The following HCRTR1 variants were observed in gnomAD, a reference collection of about 807,000 sequenced individuals.
The protein encoded by HCRTR1 is orexin/Hypocretin receptor type 1.
A neutral mutation model predicts 40.6 loss-of-function variants in HCRTR1; 28 were observed. The observed-to-expected ratio is 0.69, with a 90% CI of 0.51 to 0.95. The LOEUF (loss-of-function observed/expected upper bound fraction) is 0.95, where lower values mean the gene tolerates loss of function less well. Ranked by LOEUF, HCRTR1 falls within the 40% of genes least tolerant of loss-of-function variation. The pLI, the probability that HCRTR1 is intolerant of heterozygous loss-of-function variation, is 0.00. For missense variants in HCRTR1, 482 were observed against 564.7 expected, an observed-to-expected ratio of 0.85 and a Z score of 1.48; for synonymous variants, 209 against 230.0, an observed-to-expected ratio of 0.91 and a Z score of 0.83.
chr1:31,633,135 C>T (rs1365051960), downstream of HCRTR1: 1 of 1,603,814 alleles, frequency 6.2e-7, no homozygotes, highest in African/African-American at 1.3e-5. Flanking sequence ...CCAGCTCAGG[C>T]CCAAGGGCAA....
At position 31,625,019 on chromosome 1, in the gene HCRTR1, G is replaced by A; in HGVS notation, c.988G>A (p.Ala330Thr). 2 of 1,608,690 alleles carry A rather than the reference G, an allele frequency of 1.2e-6. No homozygotes were observed. The highest frequency in any genetic ancestry group is 1.1e-5 in the South Asian group (1 of 90,464). Residue 330 changes from alanine to threonine, a missense_variant, in exon 8 of 9, where the codon GCC (alanine) becomes ACC (threonine). Coordinates refer to ENST00000403528, the MANE Select transcript of HCRTR1 (RefSeq NM_001525.3). The surrounding 1 kb of genome is among the most constrained non-coding windows in gnomAD (Gnocchi z 4.2). ...LKRVFGMFRQ[A>T]SDREAVYACF... ...TAGGGTGTTCGGGATGTTCCGCCAA[G>A]CCAGTGACCGCGAAGCTGTCTACGC...
At chr1:31,632,730 A>G, downstream of HCRTR1, 2 of 1,425,848 alleles carry the variant, frequency 1.4e-6, no homozygotes, top group Non-Finnish European at 1.9e-6. Context: ...CCTTCTCTCC[A>G]GGCTGGAGTA....
downstream of HCRTR1, chr1:31,632,548 TGGAAGAG>T: frequency 6.2e-7 from 1 of 1,614,220 alleles, no homozygotes; most frequent in Non-Finnish European, 8.5e-7. Context: ...GTCATACTGC[TGGAAGAG>T]GTTCTTCCAC....
intron 5 of HCRTR1, 122 bp from the exon 6 acceptor site, chr1:31,621,355 G>C (rs1204822788): frequency 9.3e-6 from 8 of 857,096 alleles, no homozygotes; most frequent in Non-Finnish European, 1.5e-5. Flanking sequence ...CATGGTGGCT[G>C]TATGGGGTCC....
At chr1:31,622,943 C>CT (rs1203689726) in intron 6 of HCRTR1, among the ~76,000 whole-genome samples, 1 of 152,216 alleles carries the variant, frequency 6.6e-6, no homozygotes, top group African/African-American at 2.4e-5. Flanking sequence ...TTCCCCACCT[C>CT]TTTGAGTCTT....
rs976552677 is a variant in HCRTR1 at position 31,619,074 on chromosome 1, A to G, written c.-119A>G. 1.5e-5 allele frequency: 11 copies of G among 746,272 alleles called. No individual in the cohort carries two copies. The Admixed American group carries it at 2.6e-4, about 18-fold the overall frequency. The allele number at this position is 746,272 out of a possible 1,614,324, so 46.2% of individuals were successfully genotyped here. ...AGGAAGTTTGAGGCTGAGACCCGAA[A>G]AGACCTGGGTGCAAGCCTCCAGGCA... is the stretch of plus-strand genomic sequence containing the variant. On this transcript the variant is annotated 5_prime_UTR_variant, in exon 3 of 9. Coordinates refer to ENST00000403528, the MANE Select transcript of HCRTR1 (RefSeq NM_001525.3).
chr1:31,623,729 CG>C lies in HCRTR1; in HGVS notation c.946del (p.Val316SerfsTer71). 2 of 1,613,940 alleles carry C rather than the reference CG, an allele frequency of 1.2e-6. No homozygotes were observed. The highest frequency in any genetic ancestry group is 1.7e-6 in the Non-Finnish European group (2 of 1,179,898). The stretch of plus-strand genomic sequence containing the variant: ...TCGCCCTCTGCTACCTGCCCATCAG[CG>C]TCCTCAATGTCCTTAAGAGGTGAGA... Reference protein sequence around the residue: ...VFALCYLPISVLNVLKRVFGM... With the variant: ...VFALCYLPISXLNVLKRVFGM... On this transcript the variant is annotated frameshift_variant, in exon 7 of 9. Coordinates refer to ENST00000403528, the MANE Select transcript of HCRTR1 (RefSeq NM_001525.3). LOFTEE classifies it high-confidence loss of function.
rs2148609012 is a variant in HCRTR1, at chr1:31,620,964, G to T, written c.500G>T (p.Gly167Val). 1.2e-6 allele frequency: 2 copies of T among 1,614,088 alleles called. No homozygotes were observed. Among genetic ancestry groups the T allele is most frequent in the Non-Finnish European group, 1.7e-6 (2 of 1,180,030 alleles). Residue 167 changes from glycine (G) to valine (V), a missense_variant, in exon 5 of 9, where the codon GGC (glycine) becomes GTC (valine). By Grantham distance (109) the Gly-to-Val change is moderately radical (BLOSUM62 -3). Coordinates refer to ENST00000403528, the MANE Select transcript of HCRTR1 (RefSeq NM_001525.3). The part of the protein sequence containing the change: ...TARRARGSIL[G>V]IWAVSLAIMV... ...CGGCGGGCCCGTGGCTCCATCCTGG[G>T]CATCTGGGCTGTGTCGCTGGCCATC...
Position 31,619,641 on chromosome 1 carries a change from C to A in HCRTR1, c.309C>A (p.Ser103Arg). ...VLVTAICLPASLLVDITESWL... is the reference protein window; with the variant it reads ...VLVTAICLPARLLVDITESWL... ...TGACTGCTATCTGCCTGCCGGCCAGCCTGCTGGTGGACATCACTGAGTCCT... is the reference window on the plus strand; with the variant it reads ...TGACTGCTATCTGCCTGCCGGCCAGACTGCTGGTGGACATCACTGAGTCCT... The change falls in exon 4 of 9, where the codon AGC (serine) becomes AGA (arginine). Residue 103 changes from serine to arginine, a missense_variant. By Grantham distance (110) the Ser-to-Arg change is moderately radical. Transcript: ENST00000403528. 4 of 1,613,966 alleles carry A rather than the reference C, an allele frequency of 2.5e-6. No individual in the cohort carries two copies. Among genetic ancestry groups the A allele is most frequent in the Non-Finnish European group, 3.4e-6 (4 of 1,179,928 alleles).
intron 6 of HCRTR1, among the ~76,000 whole-genome samples, chr1:31,622,091 T>C (rs1639868750): frequency 6.6e-6 from 1 of 152,168 alleles, no homozygotes; most frequent in African/African-American, 2.4e-5. Context: ...AGAAGCAACA[T>C]TACCCACGTC....
In HCRTR1 at chr1:31,619,391, G is replaced by A. The variant is rs137870169; in HGVS notation, c.199G>A (p.Val67Ile). 244 of 1,613,954 alleles carry A rather than the reference G, an allele frequency of 1.5e-4. No individual in the cohort carries two copies. Among genetic ancestry groups the A allele is most frequent in the Non-Finnish European group, 2.0e-4 (236 of 1,179,986 alleles). Residue 67 changes from valine (V) to isoleucine (I), a missense_variant and splice_region_variant, in exon 3 of 9, where the codon GTC becomes ATC. Val to Ile is a conservative substitution (Grantham distance 29). Transcript: ENST00000403528. Reference sequence around the variant, plus strand: ...CGTGGCCCTGGTGGGCAACACGCTGGGTAGGTCCAGGGCTTGCCCGGCAGT... The same window carrying A: ...CGTGGCCCTGGTGGGCAACACGCTGAGTAGGTCCAGGGCTTGCCCGGCAGT... ...FVVALVGNTL[V>I]CLAVWRNHHM...
chr1:31,632,874 T>C (rs1003711839), downstream of HCRTR1, among the ~76,000 whole-genome samples: 3 of 152,318 alleles, frequency 2.0e-5, no homozygotes, highest in East Asian at 5.8e-4. Context: ...TCTGCAGGCT[T>C]GGCACCTGAC....
rs75004619 is a variant in HCRTR1 at position 31,626,851 on chromosome 1, C to A, written c.1149C>A (p.Cys383Ter). 1 of 1,613,936 alleles carries A rather than the reference C, an allele frequency of 6.2e-7. No homozygotes were observed. ...FSCCLPGLGP[C>*]GSLKAPSPRS... ...GCTGCCTGCCTGGCCTGGGTCCCTGCGGCTCTCTGAAGGCCCCTAGTCCCC... is the reference window on the plus strand; with the variant it reads ...GCTGCCTGCCTGGCCTGGGTCCCTGAGGCTCTCTGAAGGCCCCTAGTCCCC... The change falls in exon 9 of 9, where the codon TGC becomes TGA. Residue 383 changes from cysteine (C) to a stop codon, truncating the protein, a stop_gained. Transcript: ENST00000403528. LOFTEE classifies it high-confidence loss of function. The surrounding 1 kb of genome is among the most constrained non-coding windows in gnomAD (Gnocchi z 4.6).
chr1:31,619,259 G>A lies in HCRTR1; in HGVS notation c.67G>A (p.Val23Met). The change falls in exon 3 of 9, where the codon GTG becomes ATG. Residue 23 changes from valine (V) to methionine (M), a missense_variant. By Grantham distance (21) the Val-to-Met change is conservative. Coordinates refer to ENST00000403528, the MANE Select transcript of HCRTR1 (RefSeq NM_001525.3). ...VPPGSREPSP[V>M]PPDYEDEFLR... Reference sequence around the variant, plus strand: ...CCCTGGCAGCAGAGAGCCGTCCCCTGTGCCTCCAGACTATGAAGATGAGTT... The same window carrying A: ...CCCTGGCAGCAGAGAGCCGTCCCCTATGCCTCCAGACTATGAAGATGAGTT... The A allele has an allele frequency of 1.2e-6, 2 of 1,613,976 alleles. No homozygotes were observed. The highest frequency in any genetic ancestry group is 1.7e-6 in the Non-Finnish European group (2 of 1,180,030).
At chr1:31,633,060 A>T (rs1438558866), downstream of HCRTR1, 4 of 1,386,656 alleles carry the variant, frequency 2.9e-6, no homozygotes, top group Non-Finnish European at 2.9e-6. Context: ...TGGTCAATGA[A>T]TTTCTCTTCA....
rs951012605 is a variant in HCRTR1, at chr1:31,618,970, A to G, written c.-142-81A>G. 3.3e-5 allele frequency: 19 copies of G among 569,844 alleles called. 1 individual carries two copies. The Admixed American group carries it at 5.0e-4, about 15-fold the overall frequency. The allele number at this position is 569,844 out of a possible 1,614,324, so 35.3% of individuals were successfully genotyped here. On this transcript the variant is annotated intron_variant, in intron 2 of 8. Transcript: ENST00000403528. ...GACTGTGAGAATTAAGAGGGAACTT[A>G]TACGCAAAGCGCCTGGCACAATCCC...
Position 31,622,711 on chromosome 1 carries a change from G to A in HCRTR1, c.739-812G>A, listed in dbSNP as rs908679339. 2.7e-4 allele frequency among the ~76,000 whole-genome samples: 41 copies of A among 152,266 alleles called. 1 individual carries two copies. Among genetic ancestry groups the A allele is most frequent in the African/African-American group, 9.1e-4 (38 of 41,554 alleles). ...GGGTGATTTGAGTGTCCGGTGGCAG[G>A]AGAGGCTTCTCCAGGAGCCCAGAAC... On this transcript the variant is annotated intron_variant, in intron 6 of 8. Transcript: ENST00000403528.
At chr1:31,629,429 G>A (rs1640036277), downstream of HCRTR1, among the ~76,000 whole-genome samples, 1 of 152,226 alleles carries the variant, frequency 6.6e-6, no homozygotes, top group Admixed American at 6.5e-5. Flanking sequence ...GACACTCGGT[G>A]TAGACTGGGT....
chr1:31,633,873 TGAACCC>T (rs1374478400), downstream of HCRTR1, among the ~76,000 whole-genome samples: 1 of 151,530 alleles, frequency 6.6e-6, no homozygotes, highest in African/African-American at 2.4e-5. Context: ...GAGAATCGCT[TGAACCC>T]GGGAGGTGGA....
Sources: allele counts gnomAD v4.1 joint callset (sites outside exome capture counted in the v4.1 genomes callset), GRCh38; gene constraint gnomAD v4.1.1; non-coding constraint Gnocchi (gnomAD v3.1); transcripts MANE v1.5; gene names NCBI Gene and HGNC (gene_info 2026-07-23, HGNC 2026-07-21).